The following PRKN variants were observed in gnomAD, a reference collection of about 807,000 sequenced individuals.
The protein encoded by PRKN is parkin RBR E3 ubiquitin protein ligase.
In PRKN, 56 loss-of-function variants were observed where a neutral mutation model predicts 59.5. The ratio of observed to expected loss-of-function variants is 0.94; its 90% CI spans 0.76 to 1.18. The LOEUF (loss-of-function observed/expected upper bound fraction) is 1.18. PRKN is among the 50% of genes most tolerant of loss of function. The pLI, the probability that PRKN is intolerant of heterozygous loss-of-function variation, is 0.00. For missense variants in PRKN, 657 were observed against 596.4 expected (o/e 1.10, Z -1.06); for synonymous variants, 250 against 222.1 (o/e 1.13, Z -1.12).
Position 161,549,140 on chromosome 6 carries a change from G to C in PRKN, c.934-137C>G. 1 of 885,404 alleles carries C rather than the reference G, an allele frequency of 1.1e-6. No individual in the cohort carries two copies. The highest frequency in any genetic ancestry group is 1.8e-6 in the Non-Finnish European group (1 of 550,272). The allele number at this position is 885,404 out of a possible 1,614,324, so 54.8% of individuals were successfully genotyped here. On this transcript the variant is annotated intron_variant, in intron 8 of 11. Transcript: ENST00000366898. This position sits in a 1 kb window ranked among gnomAD's most constrained non-coding sequence, Gnocchi z 6.0. ...TGCATGTGTGTGTGTGTGTGTGTGT[G>C]TAGGGGGAGGGAGAGGGCCACGGGG...
At chr6:161,553,656 G>A (rs1029856390) in intron 8 of PRKN, among the ~76,000 whole-genome samples, 1 of 152,004 alleles carries the variant, frequency 6.6e-6, no homozygotes, top group African/African-American at 2.4e-5. Flanking sequence ...CTATTTTTTG[G>A]TTATCCAGTG....
At chr6:162,612,124 C>T (rs1212125821) in intron 1 of PRKN, among the ~76,000 whole-genome samples, 5 of 133,800 alleles carry the variant, frequency 3.7e-5, no homozygotes, top group African/African-American at 5.6e-5. Context: ...ACCCGGGAGG[C>T]GGAGCTTGCA....
At chr6:162,336,452 A>G (rs959655519) in intron 2 of PRKN, among the ~76,000 whole-genome samples, 24 of 152,248 alleles carry the variant, frequency 1.6e-4, no homozygotes, top group Middle Eastern at 3.4e-3. Context: ...GCGGCACATG[A>G]CAGTGCCAAC....
chr6:161,563,341 T>C (rs1189796403), intron 8 of PRKN, among the ~76,000 whole-genome samples: 2 of 152,164 alleles, frequency 1.3e-5, no homozygotes, highest in Admixed American at 6.5e-5. Flanking sequence ...TTCCATAAAA[T>C]TTCAGTGATT....
At chr6:161,733,108 T>C (rs552996329) in intron 7 of PRKN, among the ~76,000 whole-genome samples, 6 of 152,340 alleles carry the variant, frequency 3.9e-5, no homozygotes, top group African/African-American at 1.4e-4. Flanking sequence ...ACTGGGTATA[T>C]GAGGTATTAT....
At chr6:162,717,565 CAAA>C (rs34053908) in intron 1 of PRKN, among the ~76,000 whole-genome samples, 20 of 117,720 alleles carry the variant, frequency 1.7e-4, no homozygotes, top group African/African-American at 1.6e-4. Flanking sequence ...GATCTTGTCT[CAAA>C]AAAAAAAAAA....
At chr6:161,438,531 T>C (rs561094895) in intron 9 of PRKN, among the ~76,000 whole-genome samples, 1 of 152,210 alleles carries the variant, frequency 6.6e-6, no homozygotes, top group African/African-American at 2.4e-5. Context: ...CTGTTAAATT[T>C]TACATACAGC....
intron 6 of PRKN, among the ~76,000 whole-genome samples, chr6:161,797,507 C>T (rs1474510787): frequency 6.6e-6 from 1 of 152,178 alleles, no homozygotes; most frequent in East Asian, 1.9e-4. Flanking sequence ...TCAAGTGATC[C>T]ACCTGCCTCA....
rs963253298 is a variant in PRKN at position 161,442,558 on chromosome 6, C to T, written c.1084-55681G>A. ...GAAGGCACTGAATAGCGTGCCGTTC[C>T]GCACCACCAAGCGGAAGGGCAGCAC... On this transcript the variant is annotated intron_variant, in intron 9 of 11. Coordinates refer to ENST00000366898, the MANE Select transcript of PRKN (RefSeq NM_004562.3). The surrounding 1 kb of genome is among the most constrained non-coding windows in gnomAD (Gnocchi z 4.6). 2.0e-5 allele frequency among the ~76,000 whole-genome samples: 3 copies of T among 152,184 alleles called. No individual in the cohort carries two copies. The highest frequency in any genetic ancestry group is 2.9e-5 in the Non-Finnish European group (2 of 68,028).
rs1174639524 is a variant in PRKN, at chr6:161,883,004, C to CA, written c.734+90297dup. Among the ~76,000 whole-genome samples, 155 of 133,560 alleles carry CA rather than the reference C, an allele frequency of 1.2e-3. 1 individual carries two copies. The highest frequency in any genetic ancestry group is 4.7e-3 in the African/African-American group (148 of 31,744). The allele number at this position is 133,560 out of a possible 152,430, so 87.6% of individuals were successfully genotyped here. A position where few individuals can be genotyped will look rare whatever the true frequency, so the allele number is the denominator to read the frequency against. On this transcript the variant is annotated intron_variant, in intron 6 of 11. Coordinates refer to ENST00000366898, the MANE Select transcript of PRKN (RefSeq NM_004562.3). ...TGGGCGACAAAGTGAGACTCTGACT[C>CA]AAAGAAAACAAAAAACAACAACAAC...
rs1788671420 is a variant in PRKN, at chr6:161,432,068, CAT to C, written c.1084-45193_1084-45192del. 2.6e-5 allele frequency among the ~76,000 whole-genome samples: 4 copies of C among 152,328 alleles called. 1 individual carries two copies. The South Asian group carries it at 8.3e-4, about 32-fold the overall frequency. ...TGGGGTGCATTTTAATGCATGCACA[CAT>C]GTGTACCCACCAAAGGACTCCAGGC... On this transcript the variant is annotated intron_variant, in intron 9 of 11. Coordinates refer to ENST00000366898, the MANE Select transcript of PRKN (RefSeq NM_004562.3).
chr6:161,612,701 ACAGT>A (rs1477564298), intron 7 of PRKN, among the ~76,000 whole-genome samples: 5 of 142,612 alleles, frequency 3.5e-5, no homozygotes, highest in Non-Finnish European at 7.5e-5. Context: ...AGCCTGGGTG[ACAGT>A]CAGACTCCAT....
In PRKN at chr6:162,195,225, A is replaced by T. The variant is rs1297612611; in HGVS notation, c.534+5906T>A. The stretch of plus-strand genomic sequence containing the variant: ...TGTCAATAACATAAAATAATGCGTA[A>T]TGCCTCCTCCACTGTGCTTTCAAAG... On this transcript the variant is annotated intron_variant, in intron 4 of 11. Transcript: ENST00000366898. Among the ~76,000 whole-genome samples the T allele has an allele frequency of 6.6e-5, 10 of 152,344 alleles. No individual in the cohort carries two copies. The East Asian group carries it at 1.9e-3, about 29-fold the overall frequency.
intron 6 of PRKN, among the ~76,000 whole-genome samples, chr6:161,820,390 A>G (rs1021194629): frequency 6.6e-6 from 1 of 151,400 alleles, no homozygotes; most frequent in African/African-American, 2.4e-5. Flanking sequence ...AATAAAATAT[A>G]TGGGCAAAGA....
intron 7 of PRKN, among the ~76,000 whole-genome samples, chr6:161,689,533 G>T (rs1324465518): frequency 6.6e-6 from 1 of 151,962 alleles, no homozygotes; most frequent in East Asian, 1.9e-4. Flanking sequence ...GAAATCGCTG[G>T]GTCATTGGGA....
intron 2 of PRKN, among the ~76,000 whole-genome samples, chr6:162,429,026 C>A (rs1789378056): frequency 1.3e-5 from 2 of 152,178 alleles, no homozygotes; most frequent in Admixed American, 1.3e-4. Context: ...TTAATTCTTT[C>A]CAAGCACTTA....
intron 9 of PRKN, among the ~76,000 whole-genome samples, chr6:161,415,442 T>C (rs1787793700): frequency 6.6e-6 from 1 of 152,142 alleles, no homozygotes; most frequent in Non-Finnish European, 1.5e-5. Context: ...GTAGTAAGCA[T>C]GTGCCGAACC....
chr6:161,835,654 G>A (rs1792720922), intron 6 of PRKN, among the ~76,000 whole-genome samples: 1 of 152,218 alleles, frequency 6.6e-6, no homozygotes, highest in South Asian at 2.1e-4. Flanking sequence ...CGCATGGGGA[G>A]GGTTGGGGAG....
intron 6 of PRKN, among the ~76,000 whole-genome samples, chr6:161,966,791 T>C (rs924578454): frequency 6.6e-6 from 1 of 152,246 alleles, no homozygotes; most frequent in Admixed American, 6.5e-5. Flanking sequence ...GGTTCCCAGA[T>C]AGTTCACTTT....
Sources: gnomAD v4.1 joint callset for allele counts (sites outside exome capture counted in the v4.1 genomes callset) on GRCh38, gnomAD v4.1.1 for gene constraint, Gnocchi (gnomAD v3.1) non-coding constraint, MANE v1.5 for transcripts, NCBI Gene and HGNC (gene_info 2026-07-23, HGNC 2026-07-21) for gene names.